The following TCP11L2 variants were observed in gnomAD, a reference collection of about 807,000 sequenced individuals.
TCP11L2 encodes T-complex protein 11-like protein 2.
In TCP11L2, 39 loss-of-function variants were observed where a neutral mutation model predicts 50.7. The observed-to-expected ratio is 0.77, with a 90% CI of 0.60 to 1.01. The LOEUF (loss-of-function observed/expected upper bound fraction) is 1.01. TCP11L2 is among the 50% of genes least tolerant of loss of function. The pLI, the probability that TCP11L2 is intolerant of heterozygous loss-of-function variation, is 0.00. For synonymous variants in TCP11L2, 192 were observed against 219.3 expected, an observed-to-expected ratio of 0.88 and a Z score of 1.10; for missense variants, 612 against 614.7, an observed-to-expected ratio of 1.00 and a Z score of 0.05.
chr12:106,316,763 A>C (rs1324552393), intron 3 of TCP11L2, among the ~76,000 whole-genome samples: 1 of 152,030 alleles, frequency 6.6e-6, no homozygotes, highest in Non-Finnish European at 1.5e-5. Context: ...CTTTCTTTTC[A>C]CTGTAGTATT....
chr12:106,333,618 G>A (rs1424074750), intron 6 of TCP11L2, among the ~76,000 whole-genome samples: 2 of 151,994 alleles, frequency 1.3e-5, no homozygotes. Flanking sequence ...ACATTTTATT[G>A]TATGAATTTA....
chr12:106,318,472 G>C lies in TCP11L2; in HGVS notation c.414+8G>C, dbSNP rs1202861033. On this transcript the variant is annotated splice_region_variant and intron_variant, in intron 4 of 9. Coordinates refer to ENST00000299045, the MANE Select transcript of TCP11L2 (RefSeq NM_152772.3). ...TTTGAAGAAATCAGAGAGGCAAGTT[G>C]CTTTGTTGTCTGTGTCAGTTAGCGT... is the stretch of plus-strand genomic sequence containing the variant. The C allele has an allele frequency of 1.2e-6, 2 of 1,613,202 alleles. No homozygotes were observed. The highest frequency in any genetic ancestry group is 2.2e-5 in the South Asian group (2 of 91,042).
At chr12:106,317,447 C>T (rs373541661) in intron 3 of TCP11L2, among the ~76,000 whole-genome samples, 3 of 152,184 alleles carry the variant, frequency 2.0e-5, no homozygotes, top group East Asian at 3.8e-4. Flanking sequence ...ACCTGGGAGG[C>T]GGAGGCCGCA....
At chr12:106,345,117 C>T (rs1213986868) in intron 9 of TCP11L2, among the ~76,000 whole-genome samples, 1 of 152,154 alleles carries the variant, frequency 6.6e-6, no homozygotes, top group African/African-American at 2.4e-5. Context: ...AACTCAGCCT[C>T]CTAAGTAGCT....
intron 2 of TCP11L2, among the ~76,000 whole-genome samples, chr12:106,312,713 C>T (rs1002456762): frequency 5.9e-5 from 9 of 152,124 alleles, no homozygotes; most frequent in African/African-American, 2.2e-4. Context: ...GAAACCCCAT[C>T]TCTACTAAAA....
Position 106,346,625 on chromosome 12 carries a change from T to G in TCP11L2, c.*95T>G. On this transcript the variant is annotated 3_prime_UTR_variant, in exon 10 of 10. Transcript: ENST00000299045. ...CATTAGAGATCCAGCACATTCTCAG[T>G]ACTGTGGTGCAGTATTAGCCCAAAT... 1 of 1,484,716 alleles carries G rather than the reference T, an allele frequency of 6.7e-7. No individual in the cohort carries two copies. The highest frequency in any genetic ancestry group is 1.4e-5 in the African/African-American group (1 of 71,942). The allele number at this position is 1,484,716 out of a possible 1,614,324, so 92.0% of individuals were successfully genotyped here. A position where few individuals can be genotyped will look rare whatever the true frequency, so the allele number is the denominator to read the frequency against.
chr12:106,323,769 A>C (rs1317287467), intron 6 of TCP11L2, 123 bp downstream of exon 6: 1 of 483,590 alleles, frequency 2.1e-6, no homozygotes, highest in East Asian at 5.3e-5. Flanking sequence ...ATTTAATTTA[A>C]TTTAAATTAA....
At chr12:106,334,777 C>T (rs1474585313) in intron 6 of TCP11L2, among the ~76,000 whole-genome samples, 3 of 152,020 alleles carry the variant, frequency 2.0e-5, no homozygotes, top group Non-Finnish European at 4.4e-5. Context: ...CCCATCTCTA[C>T]TAAAAATACA....
At chr12:106,309,578 G>A (rs1350388717) in intron 1 of TCP11L2, among the ~76,000 whole-genome samples, 1 of 151,756 alleles carries the variant, frequency 6.6e-6, no homozygotes, top group Non-Finnish European at 1.5e-5. Flanking sequence ...CACCATCCAA[G>A]GAATTAAAAA....
chr12:106,311,268 G>A (rs1278628188), intron 2 of TCP11L2, 36 bp downstream of exon 2: 19 of 1,605,586 alleles, frequency 1.2e-5, no homozygotes, highest in Non-Finnish European at 1.6e-5. Flanking sequence ...GTGGGTGGCA[G>A]GGGTACTTCT....
intron 6 of TCP11L2, among the ~76,000 whole-genome samples, chr12:106,331,578 C>A (rs191175768): frequency 6.6e-6 from 1 of 152,188 alleles, no homozygotes; most frequent in Admixed American, 6.5e-5. Context: ...GTGCCAGAAA[C>A]GGTTCTAAGT....
chr12:106,332,676 T>G (rs910050471), intron 6 of TCP11L2, among the ~76,000 whole-genome samples: 2 of 152,182 alleles, frequency 1.3e-5, no homozygotes, highest in Admixed American at 1.3e-4. Flanking sequence ...TGATGAGGGC[T>G]TTCTTCCTGG....
At chr12:106,298,681 C>T (rs953210233), upstream of TCP11L2, among the ~76,000 whole-genome samples, 6 of 150,708 alleles carry the variant, frequency 4.0e-5, no homozygotes, top group Middle Eastern at 3.3e-3. Flanking sequence ...GCCACCACGC[C>T]CAACTAATTT....
chr12:106,336,279 A>T, intron 8 of TCP11L2, 66 bp downstream of exon 8: 1 of 1,433,884 alleles, frequency 7.0e-7, no homozygotes, highest in Non-Finnish European at 9.4e-7. Flanking sequence ...TCAGAGAACA[A>T]GAATGACCTT....
At chr12:106,312,893 ATAAAT>A (rs1489277353) in intron 2 of TCP11L2, among the ~76,000 whole-genome samples, 4 of 152,128 alleles carry the variant, frequency 2.6e-5, no homozygotes, top group Admixed American at 1.3e-4. Context: ...GGAAAAAAAA[ATAAAT>A]TAGGTAGTAA....
In TCP11L2 at chr12:106,346,886, A is replaced by C; in HGVS notation, c.*356A>C. On this transcript the variant is annotated 3_prime_UTR_variant, in exon 10 of 10. Coordinates refer to ENST00000299045, the MANE Select transcript of TCP11L2 (RefSeq NM_152772.3). Reference sequence around the variant, plus strand: ...TAACCCCTAAGGAGTTGTTTTTCTCACTTGTTATTATCAAACCTAATGGTT... The same window carrying C: ...TAACCCCTAAGGAGTTGTTTTTCTCCCTTGTTATTATCAAACCTAATGGTT... The C allele has an allele frequency of 1.1e-5, 2 of 177,500 alleles. No homozygotes were observed. The highest frequency in any genetic ancestry group is 1.2e-5 in the Non-Finnish European group (1 of 84,498). 11.0% of individuals were successfully genotyped at this position (177,500 alleles called of 1,614,324 possible). A position where few individuals can be genotyped will look rare whatever the true frequency, so the allele number is the denominator to read the frequency against.
At position 106,323,562 on chromosome 12, in the gene TCP11L2, A is replaced by G. The variant is rs1346378368; in HGVS notation, c.688A>G (p.Ile230Val). The change falls in exon 6 of 10, where the codon ATT becomes GTT. Residue 230 changes from isoleucine to valine, a missense_variant. Coordinates refer to ENST00000299045, the MANE Select transcript of TCP11L2 (RefSeq NM_152772.3). Reference protein sequence around the residue: ...LMQMDMANFTIMSLRPHLQRQ... With the variant: ...LMQMDMANFTVMSLRPHLQRQ... ...GCAAATGGACATGGCCAATTTTACA[A>G]TTATGAGTCTCAGACCGCACCTTCA... The G allele has an allele frequency of 4.3e-6, 7 of 1,609,864 alleles. No homozygotes were observed. The highest frequency in any genetic ancestry group is 1.7e-5 in the Admixed American group (1 of 59,184).
At chr12:106,318,294 C>T (rs1320757090) in intron 3 of TCP11L2, 50 bp from the exon 4 acceptor site, 1 of 1,581,192 alleles carries the variant, frequency 6.3e-7, no homozygotes, top group Non-Finnish European at 8.6e-7. Flanking sequence ...CTTTTATAAT[C>T]AGGAAAAAGT....
In TCP11L2 at chr12:106,314,229, A is replaced by G. The variant is rs911897462; in HGVS notation, c.158-129A>G. 101 of 884,982 alleles carry G rather than the reference A, an allele frequency of 1.1e-4. 1 individual carries two copies. In the African/African-American group the frequency reaches 1.6e-3, roughly 14 times the overall value. The allele number at this position is 884,982 out of a possible 1,614,324, so 54.8% of individuals were successfully genotyped here. On this transcript the variant is annotated intron_variant, in intron 2 of 9. Transcript: ENST00000299045. ...TGAGGGAATTCACCTATTTTAATAT[A>G]TAGTCTCCTGACCTATAAAACTCTG...
Sources: allele counts gnomAD v4.1 joint callset (sites outside exome capture counted in the v4.1 genomes callset), GRCh38; gene constraint gnomAD v4.1.1; transcripts MANE v1.5; gene names NCBI Gene and HGNC (gene_info 2026-07-23, HGNC 2026-07-21).